The following ARHGAP26 variants were observed in gnomAD, a reference collection of about 807,000 sequenced individuals.
ARHGAP26 encodes the protein rho GTPase-activating protein 26.
ARHGAP26 carries 38 observed loss-of-function variants against 104.8 expected under a neutral mutation model. That is an observed-to-expected ratio of 0.36 (90% CI 0.28 to 0.48). The LOEUF (loss-of-function observed/expected upper bound fraction) is 0.48, where lower values mean the gene tolerates loss of function less well. Among genes scored for constraint, ARHGAP26 ranks in the 20% least tolerant of loss-of-function variants. ARHGAP26 has a pLI of 0.99. For missense variants in ARHGAP26, 704 were observed against 947.9 expected (o/e 0.74, Z 3.38); for synonymous variants, 341 against 340.0 (o/e 1.00, Z -0.03).
chr5:142,952,791 C>T (rs964115151), intron 11 of ARHGAP26, among the ~76,000 whole-genome samples: 1 of 152,094 alleles, frequency 6.6e-6, no homozygotes, highest in Non-Finnish European at 1.5e-5. Context: ...CTCACTGCAA[C>T]CTCCGCCTCC....
chr5:143,216,131 G>A (rs1241785166), intron 22 of ARHGAP26: 6 of 471,032 alleles, frequency 1.3e-5, no homozygotes, highest in Admixed American at 4.7e-5. Context: ...CATAAAGGGG[G>A]AAAAAGGAAG....
intron 1 of ARHGAP26, among the ~76,000 whole-genome samples, chr5:142,800,469 T>C (rs1761869596): frequency 6.6e-6 from 1 of 151,856 alleles, no homozygotes; most frequent in Middle Eastern, 3.2e-3. Context: ...TTCAAACAAT[T>C]CTCCTGCCTC....
At chr5:143,006,984 C>T (rs1335085107) in intron 11 of ARHGAP26, among the ~76,000 whole-genome samples, 1 of 151,980 alleles carries the variant, frequency 6.6e-6, no homozygotes. Context: ...AATCCTAGCA[C>T]TTTGGGAGGC....
intron 11 of ARHGAP26, among the ~76,000 whole-genome samples, chr5:142,958,299 C>T (rs1038726754): frequency 2.0e-5 from 3 of 152,146 alleles, no homozygotes; most frequent in Non-Finnish European, 4.4e-5. Flanking sequence ...GATCGAAAAG[C>T]CTCTGAGGTG....
chr5:142,777,757 T>C (rs1371128557), intron 1 of ARHGAP26, among the ~76,000 whole-genome samples: 7 of 151,770 alleles, frequency 4.6e-5, no homozygotes, highest in Non-Finnish European at 7.4e-5. Context: ...TTGAGTGGGA[T>C]GTTTGGGGGC....
chr5:142,855,435 T>C (rs561687836), intron 1 of ARHGAP26, among the ~76,000 whole-genome samples: 1 of 152,324 alleles, frequency 6.6e-6, no homozygotes, highest in Admixed American at 6.5e-5. Flanking sequence ...CACTTTTGAG[T>C]TGTGCTTTGT....
chr5:143,020,788 G>A (rs911421889), intron 12 of ARHGAP26, among the ~76,000 whole-genome samples: 1 of 151,902 alleles, frequency 6.6e-6, no homozygotes, highest in Non-Finnish European at 1.5e-5. Context: ...ACAGGCACCC[G>A]CCCTCACGCC....
chr5:143,100,517 A>C (rs950474360), intron 17 of ARHGAP26, among the ~76,000 whole-genome samples: 65 of 152,258 alleles, frequency 4.3e-4, no homozygotes, highest in African/African-American at 1.4e-3. Flanking sequence ...TGTGGGATTT[A>C]CAACTGGACA....
chr5:143,014,412 A>G (rs903128528), intron 12 of ARHGAP26: 2 of 414,186 alleles, frequency 4.8e-6, no homozygotes, highest in South Asian at 3.7e-5. Context: ...TCTTAAGACT[A>G]TAGCTCGTCA....
At chr5:143,221,283 G>T (rs1406345912) in intron 22 of ARHGAP26, among the ~76,000 whole-genome samples, 3 of 152,018 alleles carry the variant, frequency 2.0e-5, no homozygotes, top group Non-Finnish European at 4.4e-5. Flanking sequence ...AAAATCAAAG[G>T]GCAATAGAGG....
rs1256009037 is a variant in ARHGAP26 at position 142,808,241 on chromosome 5, A to G, written c.154+37326A>G. Among the ~76,000 whole-genome samples the G allele has an allele frequency of 3.6e-4, 15 of 42,118 alleles. 1 individual carries two copies. In the South Asian group the frequency reaches 4.7e-3, roughly 13 times the overall value. 27.6% of individuals were successfully genotyped at this position (42,118 alleles called of 152,430 possible). A position where few individuals can be genotyped will look rare whatever the true frequency, so the allele number is the denominator to read the frequency against. On this transcript the variant is annotated intron_variant, in intron 1 of 22. Transcript: ENST00000645722. ...CAGAGTGAGACATTGTCTCGGAAAAAAAAAAAAAAAAAAAAAAAAAAAAAA... is the reference window on the plus strand; with the variant it reads ...CAGAGTGAGACATTGTCTCGGAAAAGAAAAAAAAAAAAAAAAAAAAAAAAA...
At chr5:142,919,103 A>G (rs919056069) in intron 10 of ARHGAP26, 2 of 397,486 alleles carry the variant, frequency 5.0e-6, no homozygotes, top group Non-Finnish European at 8.9e-6. Context: ...AATCCCCAGT[A>G]TCTGAAAATG....
intron 12 of ARHGAP26, among the ~76,000 whole-genome samples, chr5:143,022,364 C>T (rs115520132): frequency 0.047 from 7,165 of 152,278 alleles, 495 homozygotes; most frequent in African/African-American, 0.15. Context: ...TGAGCCACTG[C>T]GCCTGGCCAA....
At chr5:142,826,247 G>C (rs1767236652) in intron 1 of ARHGAP26, among the ~76,000 whole-genome samples, 1 of 152,166 alleles carries the variant, frequency 6.6e-6, no homozygotes, top group Admixed American at 6.5e-5. Context: ...CTGCTTCCTA[G>C]GTCAGATTTC....
chr5:143,022,961 G>A (rs1362841154), intron 12 of ARHGAP26, among the ~76,000 whole-genome samples: 1 of 152,160 alleles, frequency 6.6e-6, no homozygotes, highest in Non-Finnish European at 1.5e-5. Context: ...CTAGTTCTTT[G>A]TGGCTGAGGG....
intron 18 of ARHGAP26, among the ~76,000 whole-genome samples, chr5:143,125,731 AATG>A (rs1222881702): frequency 6.6e-6 from 1 of 152,238 alleles, no homozygotes; most frequent in Non-Finnish European, 1.5e-5. Context: ...CAGAAATAAT[AATG>A]ATGATAGTAA....
At chr5:142,808,369 A>G (rs949782545) in intron 1 of ARHGAP26, among the ~76,000 whole-genome samples, 5 of 150,896 alleles carry the variant, frequency 3.3e-5, no homozygotes, top group Admixed American at 2.0e-4. Flanking sequence ...GGAAATCCCA[A>G]TCATCTAATT....
rs562792344 is a variant in ARHGAP26, at chr5:142,904,698, A to G, written c.832+1029A>G. Among the ~76,000 whole-genome samples the G allele has an allele frequency of 8.5e-5, 13 of 152,290 alleles. No individual in the cohort carries two copies. The South Asian group carries it at 2.1e-3, about 24-fold the overall frequency. ...GTTTAGGATAGCACATTCAGACTTAATTCGTGTATGCAATGCTAGGAACGA... is the reference window on the plus strand; with the variant it reads ...GTTTAGGATAGCACATTCAGACTTAGTTCGTGTATGCAATGCTAGGAACGA... On this transcript the variant is annotated intron_variant, in intron 8 of 22. Transcript: ENST00000645722.
chr5:142,923,592 T>G (rs775139006), intron 10 of ARHGAP26, among the ~76,000 whole-genome samples: 1 of 152,186 alleles, frequency 6.6e-6, no homozygotes, highest in Non-Finnish European at 1.5e-5. Flanking sequence ...GCATGATGAC[T>G]GGCACATAAT....
Sources: allele counts gnomAD v4.1 joint callset (sites outside exome capture counted in the v4.1 genomes callset), GRCh38; gene constraint gnomAD v4.1.1; transcripts MANE v1.5; gene names NCBI Gene and HGNC (gene_info 2026-07-23, HGNC 2026-07-21).